Variants in NPTN observed in about 807,000 individuals in gnomAD.
NPTN encodes the protein neuroplastin.
In NPTN, 5 loss-of-function variants were observed where a neutral mutation model predicts 42.7. The ratio of observed to expected loss-of-function variants is 0.12; its 90% CI spans 0.06 to 0.25. The LOEUF (loss-of-function observed/expected upper bound fraction) is 0.25. Ranked by LOEUF, NPTN falls within the 10% of genes least tolerant of loss-of-function variation. The pLI is 1.00. For synonymous variants in NPTN, 180 were observed against 201.9 expected (o/e 0.89, Z 0.92); for missense variants, 307 against 525.4 (o/e 0.58, Z 4.06).
chr15:73,625,920 AG>A (rs1486426307), intron 1 of NPTN, among the ~76,000 whole-genome samples: 1 of 152,260 alleles, frequency 6.6e-6, no homozygotes, highest in East Asian at 1.9e-4. Flanking sequence ...ATAACAAAGT[AG>A]TACCATGAAT....
intron 7 of NPTN, among the ~76,000 whole-genome samples, chr15:73,562,998 A>AAAAGTT (rs978216579): frequency 5.3e-5 from 8 of 152,148 alleles, no homozygotes; most frequent in African/African-American, 1.9e-4. Context: ...TGAAAAAAAA[A>AAAAGTT]AAAGTTTTTT....
At chr15:73,605,182 G>A (rs1477786334) in intron 1 of NPTN, among the ~76,000 whole-genome samples, 3 of 151,560 alleles carry the variant, frequency 2.0e-5, no homozygotes, top group Non-Finnish European at 4.4e-5. Context: ...AGAAACTGGG[G>A]GCAGGGCTCA....
At chr15:73,609,973 T>C (rs1020510263) in intron 1 of NPTN, among the ~76,000 whole-genome samples, 1 of 152,210 alleles carries the variant, frequency 6.6e-6, no homozygotes, top group Non-Finnish European at 1.5e-5. Context: ...TTCTAGTATT[T>C]TCTAGCTATA....
chr15:73,623,976 C>T (rs1898268752), intron 1 of NPTN, among the ~76,000 whole-genome samples: 1 of 152,158 alleles, frequency 6.6e-6, no homozygotes. Flanking sequence ...TTGATACAGC[C>T]CATCCATCTT....
rs543836940 is a variant in NPTN, at chr15:73,603,578, G to C, written c.92-6209C>G. ...CAAGGAATTAGCAAGTGTTTTCAGA[G>C]TTATAAACCATTAAATCTAAGATAT... On this transcript the variant is annotated intron_variant, in intron 1 of 8. Coordinates refer to ENST00000345330, the MANE Select transcript of NPTN (RefSeq NM_012428.4). Among the ~76,000 whole-genome samples the C allele has an allele frequency of 2.0e-5, 3 of 152,174 alleles. No homozygotes were observed. The East Asian group carries it at 5.8e-4, about 29-fold the overall frequency.
intron 1 of NPTN, among the ~76,000 whole-genome samples, chr15:73,599,922 T>C (rs1262259664): frequency 6.6e-6 from 1 of 152,256 alleles, no homozygotes; most frequent in Non-Finnish European, 1.5e-5. Flanking sequence ...TCCCTTCTTC[T>C]GTATTGTACT....
At chr15:73,625,424 C>T (rs1241236830) in intron 1 of NPTN, among the ~76,000 whole-genome samples, 1 of 151,948 alleles carries the variant, frequency 6.6e-6, no homozygotes, top group South Asian at 2.1e-4. Context: ...GTTCTCGGCT[C>T]CCGGGTTCAC....
At chr15:73,565,641 T>TA in intron 6 of NPTN, 2 of 403,674 alleles carry the variant, frequency 5.0e-6, no homozygotes, top group Admixed American at 5.4e-5. Flanking sequence ...GGCCAAAAGA[T>TA]AGCCAGCTTA....
intron 4 of NPTN, among the ~76,000 whole-genome samples, chr15:73,585,186 A>G (rs1303752379): frequency 1.3e-5 from 2 of 152,208 alleles, no homozygotes; most frequent in Admixed American, 1.3e-4. Context: ...GTGCTGATTC[A>G]GTTAAAGCCA....
chr15:73,625,812 G>A (rs568829805), intron 1 of NPTN, among the ~76,000 whole-genome samples: 1 of 152,210 alleles, frequency 6.6e-6, no homozygotes, highest in African/African-American at 2.4e-5. Flanking sequence ...ACTAGATGAT[G>A]AATACACAGG....
intron 4 of NPTN, among the ~76,000 whole-genome samples, chr15:73,584,764 T>TAAAAA (rs55815192): frequency 8.1e-6 from 1 of 122,902 alleles, no homozygotes. Flanking sequence ...TTGTGTCCTT[T>TAAAAA]AAAAAAAAAA....
At chr15:73,565,186 G>A (rs1171377727) in intron 6 of NPTN, among the ~76,000 whole-genome samples, 1 of 152,156 alleles carries the variant, frequency 6.6e-6, no homozygotes, top group South Asian at 2.1e-4. Context: ...AAAATCCCAG[G>A]AGCCCTCTTC....
intron 1 of NPTN, among the ~76,000 whole-genome samples, chr15:73,604,899 G>C (rs1266168882): frequency 6.6e-6 from 1 of 152,154 alleles, no homozygotes; most frequent in Admixed American, 6.5e-5. Context: ...GCTGAGGTGG[G>C]AGGACTGCAC....
At chr15:73,612,176 G>A (rs191379231) in intron 1 of NPTN, among the ~76,000 whole-genome samples, 170 of 152,096 alleles carry the variant, frequency 1.1e-3, no homozygotes, top group Non-Finnish European at 2.1e-3. Context: ...ATCCCAACAC[G>A]GGAAGGCCAA....
intron 5 of NPTN, among the ~76,000 whole-genome samples, chr15:73,572,837 T>C (rs1895484474): frequency 6.6e-6 from 1 of 152,184 alleles, no homozygotes; most frequent in Non-Finnish European, 1.5e-5. Context: ...TCACCCCAAT[T>C]TCATGGTGAA....
At chr15:73,568,080 T>C in intron 6 of NPTN, 1 of 985,506 alleles carries the variant, frequency 1.0e-6, no homozygotes, top group Non-Finnish European at 1.2e-6. Context: ...TGGTCCCCCA[T>C]TTGATTTCAG....
chr15:73,599,257 T>C (rs77216242), intron 1 of NPTN, among the ~76,000 whole-genome samples: 88 of 152,220 alleles, frequency 5.8e-4, no homozygotes, highest in Non-Finnish European at 1.1e-3. Flanking sequence ...CAAGGAGCCA[T>C]GTCTCGGTCT....
intron 4 of NPTN, among the ~76,000 whole-genome samples, chr15:73,581,937 C>T (rs948587631): frequency 3.9e-5 from 6 of 152,016 alleles, no homozygotes; most frequent in African/African-American, 1.2e-4. Flanking sequence ...CGGGTTCAAG[C>T]GATTCTTCTG....
chr15:73,613,625 C>T (rs2141455646), intron 1 of NPTN, among the ~76,000 whole-genome samples: 1 of 152,122 alleles, frequency 6.6e-6, no homozygotes, highest in Admixed American at 6.5e-5. Flanking sequence ...GAATTTATTA[C>T]CATATACTCT....
Sources: gnomAD v4.1 joint callset for allele counts (sites outside exome capture counted in the v4.1 genomes callset) on GRCh38, gnomAD v4.1.1 for gene constraint, MANE v1.5 for transcripts, NCBI Gene and HGNC (gene_info 2026-07-23, HGNC 2026-07-21) for gene names.